Variants in WDPCP observed in about 807,000 individuals in gnomAD.
WDPCP encodes the protein WD repeat containing planar cell polarity effector, also known as WD repeat-containing and planar cell polarity effector protein fritz homolog.
In WDPCP, 71 loss-of-function variants were observed where a neutral mutation model predicts 93.1. The ratio of observed to expected loss-of-function variants is 0.76; its 90% CI spans 0.63 to 0.93. The LOEUF is 0.93. WDPCP is among the 40% of genes least tolerant of loss of function. WDPCP has a pLI of 0.00. For missense variants in WDPCP, 844 were observed against 887.4 expected (o/e 0.95, Z 0.62); for synonymous variants, 315 against 315.0 (o/e 1.00, Z 0.00).
intron 13 of WDPCP, among the ~76,000 whole-genome samples, chr2:63,299,588 C>G (rs866608269): frequency 3.3e-5 from 5 of 152,198 alleles, no homozygotes; most frequent in Middle Eastern, 3.2e-3. Flanking sequence ...TCTGGGCATT[C>G]ATAGACTTTG....
At chr2:63,529,830 A>G (rs1703680963) in intron 1 of WDPCP, among the ~76,000 whole-genome samples, 1 of 152,072 alleles carries the variant, frequency 6.6e-6, no homozygotes, top group African/African-American at 2.4e-5. Context: ...CTGGTCCTCG[A>G]CATTTTTTTT....
At chr2:63,241,940 C>T (rs889037062) in intron 14 of WDPCP, among the ~76,000 whole-genome samples, 1 of 152,046 alleles carries the variant, frequency 6.6e-6, no homozygotes, top group African/African-American at 2.4e-5. Flanking sequence ...CATAAAAAAT[C>T]AAGCTTTTGA....
intron 12 of WDPCP, among the ~76,000 whole-genome samples, chr2:63,360,699 C>T (rs890569668): frequency 2.9e-4 from 44 of 152,338 alleles, no homozygotes; most frequent in South Asian, 1.0e-3. Flanking sequence ...AATTTAAAAA[C>T]GTAGATAACA....
chr2:63,800,480 G>T (rs985368336), intron 2 of WDPCP, among the ~76,000 whole-genome samples: 6 of 152,014 alleles, frequency 3.9e-5, no homozygotes, highest in African/African-American at 1.5e-4. Context: ...AAGGAGAGTT[G>T]TATTTTTTTC....
rs550735274 is a variant in WDPCP, at chr2:63,297,116, G to A, written c.1812+16132C>T. Among the ~76,000 whole-genome samples the A allele has an allele frequency of 1.3e-4, 20 of 152,270 alleles. No homozygotes were observed. In the South Asian group the frequency reaches 3.9e-3, roughly 30 times the overall value. On this transcript the variant is annotated intron_variant, in intron 13 of 17. Transcript: ENST00000272321. ...AAGAAGAGACCCGGAGCCAGCAAACGAGGCACAGCATTTAGTGAGGAACTT... is the reference window on the plus strand; with the variant it reads ...AAGAAGAGACCCGGAGCCAGCAAACAAGGCACAGCATTTAGTGAGGAACTT...
At chr2:63,127,417 C>G (rs1284709661) in intron 17 of WDPCP, among the ~76,000 whole-genome samples, 1 of 151,678 alleles carries the variant, frequency 6.6e-6, no homozygotes, top group African/African-American at 2.4e-5. Context: ...GCCACCGCAC[C>G]CGGCCTGAAA....
At chr2:63,276,761 T>A (rs1195352101) in intron 13 of WDPCP, among the ~76,000 whole-genome samples, 1 of 152,198 alleles carries the variant, frequency 6.6e-6, no homozygotes, top group Non-Finnish European at 1.5e-5. Context: ...ATAATTGGTG[T>A]ACCCAAGGAA....
chr2:63,589,460 T>C (rs1575716752), upstream of WDPCP: 12 of 1,414,486 alleles, frequency 8.5e-6, no homozygotes, highest in East Asian at 3.0e-4. Flanking sequence ...TAACGGCTTT[T>C]GTCACAGGGA....
intron 14 of WDPCP, among the ~76,000 whole-genome samples, chr2:63,193,441 A>G (rs1675191841): frequency 6.6e-6 from 1 of 152,248 alleles, no homozygotes; most frequent in Non-Finnish European, 1.5e-5. Flanking sequence ...AAAATGTTTA[A>G]AAGTAACTGA....
At chr2:63,187,107 A>G (rs1416624473) in intron 14 of WDPCP, among the ~76,000 whole-genome samples, 2 of 152,176 alleles carry the variant, frequency 1.3e-5, no homozygotes, top group African/African-American at 2.4e-5. Flanking sequence ...TTTAATCATT[A>G]TATAGTATCC....
intron 1 of WDPCP, among the ~76,000 whole-genome samples, chr2:63,815,448 C>T (rs1670919744): frequency 6.6e-6 from 1 of 152,134 alleles, no homozygotes; most frequent in Non-Finnish European, 1.5e-5. Context: ...TACTCTTTTC[C>T]TTATTTTTTA....
intron 2 of WDPCP, among the ~76,000 whole-genome samples, chr2:63,693,447 A>T (rs1448361606): frequency 7.3e-6 from 1 of 137,790 alleles, no homozygotes; most frequent in Non-Finnish European, 1.6e-5. Flanking sequence ...TATTAGATAG[A>T]TAGATAGATA....
chr2:63,129,925 T>A (rs1349699371), intron 17 of WDPCP, among the ~76,000 whole-genome samples: 1 of 152,212 alleles, frequency 6.6e-6, no homozygotes, highest in Non-Finnish European at 1.5e-5. Context: ...GGGAATAATT[T>A]ACAAGAAAAA....
chr2:63,638,717 A>G (rs1709948650), intron 3 of WDPCP, among the ~76,000 whole-genome samples: 1 of 151,790 alleles, frequency 6.6e-6, no homozygotes, highest in Admixed American at 6.6e-5. Context: ...TGAGCCCAGG[A>G]GTTTGAGGTT....
At chr2:63,555,124 A>C (rs1487609405) in intron 1 of WDPCP, among the ~76,000 whole-genome samples, 4 of 152,212 alleles carry the variant, frequency 2.6e-5, no homozygotes. Flanking sequence ...CCATCATTGC[A>C]GCTCTGGTCT....
intron 3 of WDPCP, among the ~76,000 whole-genome samples, chr2:63,594,084 C>T (rs1042389869): frequency 6.6e-6 from 1 of 152,192 alleles, no homozygotes; most frequent in South Asian, 2.1e-4. Context: ...GTTTTAGCCT[C>T]TTTCACTCTT....
intron 13 of WDPCP, among the ~76,000 whole-genome samples, chr2:63,298,788 T>G (rs1685084100): frequency 6.6e-6 from 1 of 152,206 alleles, no homozygotes; most frequent in African/African-American, 2.4e-5. Flanking sequence ...GCTGCAGCCC[T>G]GGCCTATCTG....
intron 12 of WDPCP, among the ~76,000 whole-genome samples, chr2:63,329,837 A>G (rs1687846241): frequency 6.6e-6 from 1 of 152,072 alleles, no homozygotes; most frequent in African/African-American, 2.4e-5. Flanking sequence ...TGTAAGTGAG[A>G]TCATGGAGTC....
intron 1 of WDPCP, among the ~76,000 whole-genome samples, chr2:63,550,702 T>C (rs1328443849): frequency 6.7e-6 from 1 of 148,324 alleles, no homozygotes; most frequent in Admixed American, 6.7e-5. Context: ...CACATACATA[T>C]ACATATATGT....
Sources: gnomAD v4.1 joint callset for allele counts (sites outside exome capture counted in the v4.1 genomes callset) on GRCh38, gnomAD v4.1.1 for gene constraint, MANE v1.5 for transcripts, NCBI Gene and HGNC (gene_info 2026-07-23, HGNC 2026-07-21) for gene names.